ADAMTSL1: variants seen among roughly 807,000 people sequenced by gnomAD.
ADAMTSL1 encodes ADAMTS like 1, also known as ADAMTS-like protein 1.
In ADAMTSL1, 126 loss-of-function variants were observed where a neutral mutation model predicts 201.8. The ratio of observed to expected loss-of-function variants is 0.62; its 90% CI spans 0.54 to 0.72. The LOEUF is 0.72. ADAMTSL1 is among the 30% of genes least tolerant of loss of function. The probability of loss-of-function intolerance (pLI) is 0.00; values close to 1 mark genes in which losing one functional copy is unlikely to be tolerated. For synonymous variants in ADAMTSL1, 1,121 were observed against 903.4 expected (o/e 1.24, Z -4.32); for missense variants, 2,679 against 2,277.8 (o/e 1.18, Z -3.59).
intron 2 of ADAMTSL1, among the ~76,000 whole-genome samples, chr9:18,204,503 T>C (rs1160291948): frequency 6.6e-6 from 1 of 152,178 alleles, no homozygotes; most frequent in Non-Finnish European, 1.5e-5. Flanking sequence ...TTCTTCATAG[T>C]AGTATGAAAA....
chr9:18,128,401 C>T (rs1009932056), intron 1 of ADAMTSL1, among the ~76,000 whole-genome samples: 25 of 152,144 alleles, frequency 1.6e-4, no homozygotes, highest in African/African-American at 5.6e-4. Flanking sequence ...TCACTCCTGC[C>T]ACCCAGGCTG....
At chr9:18,032,017 G>A (rs1340953979) in intron 1 of ADAMTSL1, among the ~76,000 whole-genome samples, 1 of 152,196 alleles carries the variant, frequency 6.6e-6, no homozygotes, top group African/African-American at 2.4e-5. Flanking sequence ...TTTTCAGACT[G>A]GGTCTCCTTC....
chr9:17,909,394 C>T (rs1041748243), intron 1 of ADAMTSL1, among the ~76,000 whole-genome samples: 4 of 145,408 alleles, frequency 2.8e-5, no homozygotes, highest in African/African-American at 9.9e-5. Context: ...GAAGTCCTTG[C>T]CCATGCCTAT....
intron 1 of ADAMTSL1, among the ~76,000 whole-genome samples, chr9:18,093,545 C>T (rs540309): frequency 0.066 from 9,990 of 152,260 alleles, 473 homozygotes; most frequent in Non-Finnish European, 0.099. Context: ...GGACTACCCT[C>T]ATTTTCCTAA....
chr9:18,730,991 A>G (rs1447478254), intron 15 of ADAMTSL1, among the ~76,000 whole-genome samples: 1 of 152,226 alleles, frequency 6.6e-6, no homozygotes, highest in African/African-American at 2.4e-5. Context: ...GTTAAATACC[A>G]AGCCGTGACT....
intron 2 of ADAMTSL1, among the ~76,000 whole-genome samples, chr9:18,379,443 T>A (rs371731436): frequency 5.9e-5 from 9 of 152,218 alleles, no homozygotes; most frequent in African/African-American, 1.9e-4. Flanking sequence ...CCTTACAAAA[T>A]CCACTGTTTT....
chr9:17,987,526 T>C (rs187311471), intron 1 of ADAMTSL1, among the ~76,000 whole-genome samples: 75 of 151,974 alleles, frequency 4.9e-4, no homozygotes, highest in African/African-American at 1.7e-3. Flanking sequence ...ATTTAGATCG[T>C]TTTGGACTTT....
At chr9:18,672,906 A>G (rs1829910480) in intron 9 of ADAMTSL1, among the ~76,000 whole-genome samples, 1 of 151,822 alleles carries the variant, frequency 6.6e-6, no homozygotes, top group Non-Finnish European at 1.5e-5. Context: ...TACCACCACA[A>G]CCCCTGATGA....
intron 2 of ADAMTSL1, among the ~76,000 whole-genome samples, chr9:18,246,513 A>G (rs1276185760): frequency 6.6e-6 from 1 of 152,200 alleles, no homozygotes; most frequent in African/African-American, 2.4e-5. Context: ...AATAGTTATT[A>G]TTTGTTGAGT....
chr9:18,709,030 G>A lies in ADAMTSL1; in HGVS notation c.1876+1982G>A, dbSNP rs187287534. ...TAGAAGCTAAGTGTTTTTATATAAC[G>A]TAAATTGTACATCCTTTATATCCAA... On this transcript the variant is annotated intron_variant, in intron 14 of 28. Coordinates refer to ENST00000380548, the MANE Select transcript of ADAMTSL1 (RefSeq NM_001040272.6). 1.2e-3 allele frequency among the ~76,000 whole-genome samples: 185 copies of A among 152,264 alleles called. 1 individual carries two copies. Among genetic ancestry groups the A allele is most frequent in the African/African-American group, 4.0e-3 (165 of 41,546 alleles).
At chr9:18,581,461 T>G (rs1823086274) in intron 4 of ADAMTSL1, among the ~76,000 whole-genome samples, 1 of 152,182 alleles carries the variant, frequency 6.6e-6, no homozygotes, top group Non-Finnish European at 1.5e-5. Flanking sequence ...ATCCTTCACA[T>G]GTGACAAATA....
intron 2 of ADAMTSL1, among the ~76,000 whole-genome samples, chr9:18,394,600 C>G (rs1229379251): frequency 2.0e-5 from 3 of 152,134 alleles, no homozygotes; most frequent in Non-Finnish European, 4.4e-5. Context: ...TATTCCCAAA[C>G]TGCAAAGACA....
At chr9:18,095,710 C>T (rs909492526) in intron 1 of ADAMTSL1, among the ~76,000 whole-genome samples, 1 of 152,122 alleles carries the variant, frequency 6.6e-6, no homozygotes, top group Non-Finnish European at 1.5e-5. Flanking sequence ...AGGTGTGAGC[C>T]ACTGTGGTGG....
intron 23 of ADAMTSL1, among the ~76,000 whole-genome samples, chr9:18,844,959 A>G (rs1411680996): frequency 1.3e-5 from 2 of 152,012 alleles, no homozygotes; most frequent in Admixed American, 6.6e-5. Context: ...TCTTTGACTA[A>G]GAAAGGGAAC....
At chr9:18,898,076 C>T (rs1269541982) in intron 26 of ADAMTSL1, among the ~76,000 whole-genome samples, 1 of 151,312 alleles carries the variant, frequency 6.6e-6, no homozygotes, top group South Asian at 2.1e-4. Flanking sequence ...GTAGCCCCAA[C>T]TACTCGGGAG....
At chr9:18,363,594 A>G (rs889329749) in intron 2 of ADAMTSL1, among the ~76,000 whole-genome samples, 1 of 152,234 alleles carries the variant, frequency 6.6e-6, no homozygotes, top group South Asian at 2.1e-4. Context: ...ACCACTTAAC[A>G]TAGAACTTGG....
chr9:18,097,517 A>T (rs1197898879), intron 1 of ADAMTSL1, among the ~76,000 whole-genome samples: 1 of 152,196 alleles, frequency 6.6e-6, no homozygotes, highest in Non-Finnish European at 1.5e-5. Context: ...TCATTACACT[A>T]TTTTATCTCC....
At chr9:18,654,917 G>C (rs547161411) in intron 7 of ADAMTSL1, among the ~76,000 whole-genome samples, 1 of 152,346 alleles carries the variant, frequency 6.6e-6, no homozygotes, top group South Asian at 2.1e-4. Flanking sequence ...GTGGATCCCA[G>C]CTCAGAGATA....
At chr9:18,702,795 C>G (rs1393757532) in intron 13 of ADAMTSL1, among the ~76,000 whole-genome samples, 3 of 151,646 alleles carry the variant, frequency 2.0e-5, no homozygotes, top group African/African-American at 7.3e-5. Flanking sequence ...CGGAGTCTCA[C>G]TCTGTCACCC....
Sources: allele counts gnomAD v4.1 joint callset (sites outside exome capture counted in the v4.1 genomes callset), GRCh38; gene constraint gnomAD v4.1.1; transcripts MANE v1.5; gene names NCBI Gene and HGNC (gene_info 2026-07-23, HGNC 2026-07-21).